Variants in PTPRN2 observed in about 807,000 individuals in gnomAD.
PTPRN2 encodes the protein receptor-type tyrosine-protein phosphatase N2.
In PTPRN2, 74 loss-of-function variants were observed where a neutral mutation model predicts 118.8. The ratio of observed to expected loss-of-function variants is 0.62; its 90% CI spans 0.52 to 0.76. The LOEUF is 0.76. PTPRN2 is among the 30% of genes least tolerant of loss of function. PTPRN2 has a pLI of 0.00. For synonymous variants in PTPRN2, 641 were observed against 608.0 expected (o/e 1.05, Z -0.80); for missense variants, 1,481 against 1,394.4 (o/e 1.06, Z -0.99).
intron 12 of PTPRN2, among the ~76,000 whole-genome samples, chr7:157,850,533 C>T (rs1809199892): frequency 6.6e-6 from 1 of 152,220 alleles, no homozygotes; most frequent in Non-Finnish European, 1.5e-5. Flanking sequence ...GAGAAAGAAG[C>T]ACAGACAGTC....
At position 158,219,798 on chromosome 7, in the gene PTPRN2, C is replaced by T. The variant is rs1035051846; in HGVS notation, c.278-14525G>A. 4.0e-5 allele frequency among the ~76,000 whole-genome samples: 6 copies of T among 151,758 alleles called. No homozygotes were observed. In the East Asian group the frequency reaches 1.2e-3, roughly 29 times the overall value. ...GAAGAAATAAATAAATTCCCAGAAA[C>T]ATACAACCTTGCAATATTGAACCAG... is the stretch of plus-strand genomic sequence containing the variant. On this transcript the variant is annotated intron_variant, in intron 3 of 22. Transcript: ENST00000389418.
chr7:158,347,042 A>G (rs1031313775), intron 2 of PTPRN2, among the ~76,000 whole-genome samples: 5 of 152,108 alleles, frequency 3.3e-5, no homozygotes, highest in African/African-American at 9.7e-5. Flanking sequence ...TTTTCTCCCC[A>G]TCCTTAGGTT....
Position 157,598,778 on chromosome 7 carries a change from C to T in PTPRN2, c.2419-3463G>A, listed in dbSNP as rs1313252593. Among the ~76,000 whole-genome samples, 1 of 152,192 alleles carries T rather than the reference C, an allele frequency of 6.6e-6. No individual in the cohort carries two copies. The highest frequency in any genetic ancestry group is 2.4e-5 in the African/African-American group (1 of 41,440). On this transcript the variant is annotated intron_variant, in intron 16 of 22. Transcript: ENST00000389418. The surrounding 1 kb of genome is among the most constrained non-coding windows in gnomAD (Gnocchi z 5.2). ...TGAACCACAGAAGGAAGGAAGGATG[C>T]TGCTTCCTCAAGCACAGAGCTGCTG...
At chr7:158,267,052 C>G (rs2001314) in intron 3 of PTPRN2, among the ~76,000 whole-genome samples, 36,307 of 152,176 alleles carry the variant, frequency 0.24, 4,605 homozygotes, top group Middle Eastern at 0.32. Flanking sequence ...GCAGCGTCGT[C>G]TCCAGTGACT....
At position 157,687,920 on chromosome 7, in the gene PTPRN2, C is replaced by T. The variant is rs145052315; in HGVS notation, c.1789-4983G>A. Among the ~76,000 whole-genome samples the T allele has an allele frequency of 3.9e-5, 6 of 152,234 alleles. No homozygotes were observed. The East Asian group carries it at 7.7e-4, about 20-fold the overall frequency. On this transcript the variant is annotated intron_variant, in intron 12 of 22. Transcript: ENST00000389418. ...ATTCTAATAAATGAGAGAAGTCAGG[C>T]GGAAATAATCATGTATTAATTCTCT...
chr7:158,105,756 C>G (rs1164879306), intron 10 of PTPRN2, among the ~76,000 whole-genome samples: 1 of 152,056 alleles, frequency 6.6e-6, no homozygotes, highest in Non-Finnish European at 1.5e-5. Flanking sequence ...TATCTCCATC[C>G]AGTTCCATCC....
chr7:157,853,142 T>A (rs549714474), intron 12 of PTPRN2, among the ~76,000 whole-genome samples: 2 of 152,228 alleles, frequency 1.3e-5, no homozygotes, highest in African/African-American at 4.8e-5. Flanking sequence ...GATGTGTGAT[T>A]CCTGGTAGGA....
In PTPRN2 at chr7:158,243,897, TACAA is replaced by T. The variant is rs138914559; in HGVS notation, c.278-38628_278-38625del. On this transcript the variant is annotated intron_variant, in intron 3 of 22. Transcript: ENST00000389418. ...AGTACAAAGTACTATTAATGATAAT[TACAA>T]ACTACCTCCTAAGTAGCAGTCTTTG... Among the ~76,000 whole-genome samples, 915 of 152,254 alleles carry T rather than the reference TACAA, an allele frequency of 6.0e-3. 2 individuals are homozygous for T. The highest frequency in any genetic ancestry group is 9.4e-3 in the Admixed American group (144 of 15,294).
At chr7:158,234,815 T>C (rs1354366062) in intron 3 of PTPRN2, among the ~76,000 whole-genome samples, 1 of 151,928 alleles carries the variant, frequency 6.6e-6, no homozygotes, top group Non-Finnish European at 1.5e-5. Flanking sequence ...CAGGCTGGAG[T>C]GCAATGGCAC....
chr7:157,731,072 C>A (rs1376280328), intron 12 of PTPRN2, among the ~76,000 whole-genome samples: 2 of 152,178 alleles, frequency 1.3e-5, no homozygotes, highest in Admixed American at 6.5e-5. Context: ...TTCAAGTAAA[C>A]CCCCTGCAGT....
intron 1 of PTPRN2, among the ~76,000 whole-genome samples, chr7:158,581,601 C>A (rs1428171083): frequency 6.6e-6 from 1 of 152,176 alleles, no homozygotes; most frequent in Non-Finnish European, 1.5e-5. Context: ...TCCCCTGTCA[C>A]CTGCCATGGC....
intron 13 of PTPRN2, among the ~76,000 whole-genome samples, chr7:157,672,627 C>T (rs569309069): frequency 1.3e-5 from 2 of 152,266 alleles, no homozygotes; most frequent in African/African-American, 4.8e-5. Context: ...CTGAAAGCGA[C>T]GAAACGCCTA....
intron 2 of PTPRN2, among the ~76,000 whole-genome samples, chr7:158,410,663 G>C (rs1027124489): frequency 2.0e-5 from 3 of 152,254 alleles, no homozygotes; most frequent in Non-Finnish European, 4.4e-5. Flanking sequence ...TGTCCAGCCA[G>C]AGCCTCGGAA....
At chr7:157,652,449 A>T (rs1805724773) in intron 14 of PTPRN2, among the ~76,000 whole-genome samples, 1 of 152,226 alleles carries the variant, frequency 6.6e-6, no homozygotes, top group Non-Finnish European at 1.5e-5. Flanking sequence ...AAAGCGTCTC[A>T]GCTCTGACAC....
In PTPRN2 at chr7:157,874,806, GACACACTCATGGACACACACAGAGAC is replaced by G. The variant is rs1795625074; in HGVS notation, c.1788+23841_1788+23866del. ...ACACTCATACACATATACACACAGA[GACACACTCATGGACACACACAGAGAC>G]ACACTCATGCACATATACACACGGA... On this transcript the variant is annotated intron_variant, in intron 12 of 22. Coordinates refer to ENST00000389418, the MANE Select transcript of PTPRN2 (RefSeq NM_002847.5). The surrounding 1 kb of genome is among the most constrained non-coding windows in gnomAD (Gnocchi z 5.8). Among the ~76,000 whole-genome samples the G allele has an allele frequency of 9.1e-6, 1 of 109,306 alleles. No individual in the cohort carries two copies. The highest frequency in any genetic ancestry group is 2.1e-5 in the Non-Finnish European group (1 of 48,046). The allele number at this position is 109,306 out of a possible 152,430, so 71.7% of individuals were successfully genotyped here. A position where few individuals can be genotyped will look rare whatever the true frequency, so the allele number is the denominator to read the frequency against.
intron 10 of PTPRN2, among the ~76,000 whole-genome samples, chr7:158,092,307 T>G (rs1177452195): frequency 1.2e-5 from 1 of 82,020 alleles, no homozygotes; most frequent in African/African-American, 4.8e-5. Context: ...GGTGAGTGGG[T>G]GGGAGGGAGG....
At chr7:158,066,320 CAGGATGAAATG>C in intron 11 of PTPRN2, among the ~76,000 whole-genome samples, 1 of 152,298 alleles carries the variant, frequency 6.6e-6, no homozygotes, top group Admixed American at 6.5e-5. Context: ...CTTCTGGCTC[CAGGATGAAATG>C]AGGCTCTAAA....
chr7:157,561,602 C>T (rs1486862744), intron 21 of PTPRN2, among the ~76,000 whole-genome samples: 1 of 152,260 alleles, frequency 6.6e-6, no homozygotes. Flanking sequence ...AGGCAAGTCA[C>T]CCAACCTCCC....
chr7:157,763,055 C>T lies in PTPRN2; in HGVS notation c.1789-80118G>A, dbSNP rs912534977. On this transcript the variant is annotated intron_variant, in intron 12 of 22. Coordinates refer to ENST00000389418, the MANE Select transcript of PTPRN2 (RefSeq NM_002847.5). The surrounding 1 kb of genome is among the most constrained non-coding windows in gnomAD (Gnocchi z 4.9). The stretch of plus-strand genomic sequence containing the variant: ...ACAGTCGGTCACAGGGCTAACCCTC[C>T]ATCAGAGCCCACGGCCGCCCACTCA... Among the ~76,000 whole-genome samples, 4 of 152,008 alleles carry T rather than the reference C, an allele frequency of 2.6e-5. No homozygotes were observed. Among genetic ancestry groups the T allele is most frequent in the Admixed American group, 2.6e-4 (4 of 15,268 alleles).
Sources: allele counts gnomAD v4.1 joint callset (sites outside exome capture counted in the v4.1 genomes callset), GRCh38; gene constraint gnomAD v4.1.1; non-coding constraint Gnocchi (gnomAD v3.1); transcripts MANE v1.5; gene names NCBI Gene and HGNC (gene_info 2026-07-23, HGNC 2026-07-21).